Variants in NEBL observed in about 807,000 individuals in gnomAD.
The protein encoded by NEBL is LIM and SH3 protein 2.
A neutral mutation model predicts 140.2 loss-of-function variants in NEBL; 122 were observed. The ratio of observed to expected loss-of-function variants is 0.87; its 90% confidence interval spans 0.75 to 1.01. NEBL has a LOEUF of 1.01. Ranked by LOEUF, NEBL falls within the 50% of genes least tolerant of loss-of-function variation. The pLI, the probability that NEBL is intolerant of heterozygous loss-of-function variation, is 0.00. For synonymous variants in NEBL, 436 were observed against 398.9 expected (o/e 1.09, Z -1.11); for missense variants, 1,365 against 1,231.3 (o/e 1.11, Z -1.62).
At chr10:20,816,216 C>T (rs937675615) in intron 21 of NEBL, among the ~76,000 whole-genome samples, 17 of 152,268 alleles carry the variant, frequency 1.1e-4, no homozygotes, top group African/African-American at 4.1e-4. Context: ...GTCCAAATCA[C>T]TGTGGATGTA....
intron 3 of NEBL, among the ~76,000 whole-genome samples, chr10:21,019,365 C>T (rs1838687821): frequency 6.6e-6 from 1 of 152,242 alleles, no homozygotes; most frequent in East Asian, 1.9e-4. Flanking sequence ...ACCACCTAGC[C>T]TCCCCTGCCT....
At chr10:21,018,943 C>A (rs755579221) in intron 3 of NEBL, among the ~76,000 whole-genome samples, 1 of 152,144 alleles carries the variant, frequency 6.6e-6, no homozygotes, top group Non-Finnish European at 1.5e-5. Flanking sequence ...CAGAGAACTG[C>A]GTGAAGCCGG....
At chr10:20,853,073 G>C (rs1842707350) in intron 9 of NEBL, among the ~76,000 whole-genome samples, 1 of 152,014 alleles carries the variant, frequency 6.6e-6, no homozygotes, top group Non-Finnish European at 1.5e-5. Context: ...AAGAACAGAG[G>C]AAAAGAAACC....
At chr10:20,925,631 C>T (rs891883273) in intron 4 of NEBL, among the ~76,000 whole-genome samples, 1 of 152,068 alleles carries the variant, frequency 6.6e-6, no homozygotes, top group African/African-American at 2.4e-5. Context: ...TGAATTGCTG[C>T]CAACTCCTTA....
intron 3 of NEBL, among the ~76,000 whole-genome samples, chr10:21,208,492 C>G (rs942268932): frequency 6.6e-6 from 1 of 152,114 alleles, no homozygotes; most frequent in Non-Finnish European, 1.5e-5. Context: ...ATTTTTGTTT[C>G]TCTCCCTCCC....
At chr10:21,231,898 C>T (rs115992788) in intron 3 of NEBL, among the ~76,000 whole-genome samples, 6,118 of 152,224 alleles carry the variant, frequency 0.04, 188 homozygotes, top group South Asian at 0.14. Context: ...AATTCCCAGG[C>T]ATGGCAGGAT....
At chr10:21,068,564 C>G (rs1055388857) in intron 2 of NEBL, among the ~76,000 whole-genome samples, 2 of 152,324 alleles carry the variant, frequency 1.3e-5, no homozygotes, top group Non-Finnish European at 1.5e-5. Context: ...AGGAAAGAAG[C>G]TACCTAGAGA....
At chr10:21,256,996 A>T (rs926960360) in intron 1 of NEBL, among the ~76,000 whole-genome samples, 1 of 152,232 alleles carries the variant, frequency 6.6e-6, no homozygotes, top group Non-Finnish European at 1.5e-5. Context: ...CCATGCTGGT[A>T]GCTTGAAATT....
chr10:21,101,268 G>A (rs1837464920), intron 2 of NEBL, among the ~76,000 whole-genome samples: 1 of 152,170 alleles, frequency 6.6e-6, no homozygotes, highest in Admixed American at 6.5e-5. Flanking sequence ...CCTTCCCTGT[G>A]GCTAAGGCTG....
intron 2 of NEBL, among the ~76,000 whole-genome samples, chr10:21,153,933 C>T (rs1157676240): frequency 6.6e-6 from 1 of 152,090 alleles, no homozygotes; most frequent in East Asian, 1.9e-4. Flanking sequence ...AATAAGACCA[C>T]ATGAACAAAA....
intron 2 of NEBL, among the ~76,000 whole-genome samples, chr10:21,148,602 T>C (rs1425074343): frequency 6.6e-6 from 1 of 151,942 alleles, no homozygotes; most frequent in Non-Finnish European, 1.5e-5. Context: ...CTCAGCTCAC[T>C]GCAACTTCCA....
At chr10:20,945,858 A>C (rs10047294) in intron 4 of NEBL, among the ~76,000 whole-genome samples, 5,215 of 152,198 alleles carry the variant, frequency 0.034, 281 homozygotes, top group African/African-American at 0.11. Flanking sequence ...CAAACCAACA[A>C]ACTTGGACTC....
chr10:21,079,670 C>T (rs1331574711), intron 2 of NEBL, among the ~76,000 whole-genome samples: 5 of 152,200 alleles, frequency 3.3e-5, no homozygotes, highest in Non-Finnish European at 7.4e-5. Flanking sequence ...TTCTCATCTT[C>T]ACCTATCTGC....
intron 3 of NEBL, among the ~76,000 whole-genome samples, chr10:21,198,011 A>G (rs928418424): frequency 1.3e-5 from 2 of 151,086 alleles, no homozygotes; most frequent in African/African-American, 2.4e-5. Flanking sequence ...CCACCCTGCA[A>G]TCATGAAACT....
chr10:21,227,711 T>TTTCTTCTTCTTCTTCTTC (rs796306558), intron 3 of NEBL, among the ~76,000 whole-genome samples: 3 of 46,476 alleles, frequency 6.5e-5, no homozygotes, highest in African/African-American at 1.3e-4. Context: ...CTTCTTCTTC[T>TTTCTTCTTCTTCTTCTTC]TTCTTCTTCT....
rs1844752420 is a variant in NEBL at position 20,869,956 on chromosome 10, G to T, written c.481-115C>A. ...ATAATAATAGCTTAGAGAGCCTACTGACCTTAAGTTGGCTTTTTGTGCATC... is the reference window on the plus strand; with the variant it reads ...ATAATAATAGCTTAGAGAGCCTACTTACCTTAAGTTGGCTTTTTGTGCATC... On this transcript the variant is annotated intron_variant, in intron 5 of 27. Coordinates refer to ENST00000377122, the MANE Select transcript of NEBL (RefSeq NM_006393.3). 7 of 774,166 alleles carry T rather than the reference G, an allele frequency of 9.0e-6. No homozygotes were observed. In the Admixed American group the frequency reaches 1.5e-4, roughly 16 times the overall value. 48.0% of individuals were successfully genotyped at this position (774,166 alleles called of 1,614,324 possible).
intron 2 of NEBL, among the ~76,000 whole-genome samples, chr10:21,116,762 T>C (rs1394208068): frequency 6.6e-6 from 1 of 152,048 alleles, no homozygotes; most frequent in Non-Finnish European, 1.5e-5. Flanking sequence ...CTCAAACTCC[T>C]GGATTTAAGC....
intron 2 of NEBL, among the ~76,000 whole-genome samples, chr10:21,087,023 C>T (rs1476836365): frequency 6.6e-6 from 1 of 152,164 alleles, no homozygotes; most frequent in Non-Finnish European, 1.5e-5. Flanking sequence ...TGTCTCTTAA[C>T]CTACCACCCT....
intron 3 of NEBL, among the ~76,000 whole-genome samples, chr10:21,014,581 G>A (rs1422642015): frequency 1.3e-5 from 2 of 152,134 alleles, no homozygotes; most frequent in African/African-American, 4.8e-5. Context: ...CAGCAGACAC[G>A]CTTTAAGATG....
Sources: allele counts gnomAD v4.1 joint callset (sites outside exome capture counted in the v4.1 genomes callset), GRCh38; gene constraint gnomAD v4.1.1; transcripts MANE v1.5; gene names NCBI Gene and HGNC (gene_info 2026-07-23, HGNC 2026-07-21).